The following PGPEP1L variants were observed in gnomAD, a reference collection of about 807,000 sequenced individuals.
PGPEP1L encodes the protein pyroglutamyl-peptidase I like.
In PGPEP1L, 7 loss-of-function variants were observed where a neutral mutation model predicts 6.0. The ratio of observed to expected loss-of-function variants is 1.17; its 90% CI spans 0.66 to 2.19. The LOEUF is 2.19. Among genes scored for constraint, PGPEP1L ranks in the 30% most tolerant of loss-of-function variants. The pLI is 0.00. For synonymous variants in PGPEP1L, 103 were observed against 83.9 expected, an observed-to-expected ratio of 1.23 and a Z score of -1.24; for missense variants, 209 against 192.5, an observed-to-expected ratio of 1.09 and a Z score of -0.51.
chr15:98,989,548 A>T (rs2654969), intron 2 of PGPEP1L, among the ~76,000 whole-genome samples: 1 of 152,034 alleles, frequency 6.6e-6, no homozygotes. Context: ...CCAAGTTGGA[A>T]AACACTATTC....
intron 3 of PGPEP1L, among the ~76,000 whole-genome samples, chr15:98,970,632 T>TC (rs980963565): frequency 1.3e-5 from 2 of 152,062 alleles, no homozygotes; most frequent in Non-Finnish European, 2.9e-5. Context: ...AAGATGGGCC[T>TC]CCCCTAGGCT....
At chr15:98,974,718 G>A (rs1296856041) in intron 2 of PGPEP1L, among the ~76,000 whole-genome samples, 3 of 152,152 alleles carry the variant, frequency 2.0e-5, no homozygotes, top group African/African-American at 7.2e-5. Context: ...CCAACATGGT[G>A]AAACCCCATC....
chr15:98,969,498 C>G lies in PGPEP1L; in HGVS notation c.136G>C (p.Val46Leu). The G allele has an allele frequency of 6.2e-7, 1 of 1,614,078 alleles. No homozygotes were observed. The highest frequency in any genetic ancestry group is 8.5e-7 in the Non-Finnish European group (1 of 1,179,914). ...CGCTTGCAGACTGCCTTCATGCAGA[C>G]CCCTGACTCCAGCACGTCTGGGCTG... Reference protein sequence around the residue: ...PGSPDVLESGVCMKAVCKRVA... With the variant: ...PGSPDVLESGLCMKAVCKRVA... The change falls in exon 4 of 5, where the codon GTC becomes CTC. Residue 46 changes from valine to leucine, a missense_variant. Physicochemically the swap from Val to Leu is conservative, Grantham distance 32. Coordinates refer to ENST00000535714, the MANE Select transcript of PGPEP1L (RefSeq NM_001167902.2).
At chr15:98,993,875 C>CA (rs1283391802) in intron 2 of PGPEP1L, among the ~76,000 whole-genome samples, 1 of 151,086 alleles carries the variant, frequency 6.6e-6, no homozygotes, top group Non-Finnish European at 1.5e-5. Context: ...AACAAAACAA[C>CA]AAAAAAAGTT....
intron 2 of PGPEP1L, among the ~76,000 whole-genome samples, chr15:98,992,108 G>C (rs1302029787): frequency 3.3e-5 from 5 of 152,158 alleles, no homozygotes; most frequent in African/African-American, 1.2e-4. Context: ...AGGGCAGTCA[G>C]GCAAGACAAA....
chr15:99,000,816 C>T (rs971202301), intron 2 of PGPEP1L, among the ~76,000 whole-genome samples: 4 of 152,112 alleles, frequency 2.6e-5, no homozygotes, highest in Non-Finnish European at 5.9e-5. Context: ...GAAAAAAAAG[C>T]AGGCTGCGGG....
intron 2 of PGPEP1L, among the ~76,000 whole-genome samples, chr15:98,999,176 A>G (rs556940585): frequency 6.6e-6 from 1 of 152,312 alleles, no homozygotes; most frequent in African/African-American, 2.4e-5. Flanking sequence ...CAGATGGAGA[A>G]AATAGTTGCA....
intron 2 of PGPEP1L, among the ~76,000 whole-genome samples, chr15:98,987,225 T>C (rs2017760829): frequency 6.8e-6 from 1 of 146,010 alleles, no homozygotes; most frequent in South Asian, 2.2e-4. Flanking sequence ...GATATTCATA[T>C]GGACATTTGT....
intron 2 of PGPEP1L, among the ~76,000 whole-genome samples, chr15:98,975,749 T>G (rs2017559970): frequency 6.6e-6 from 1 of 152,040 alleles, no homozygotes; most frequent in Non-Finnish European, 1.5e-5. Flanking sequence ...GGCATGGTGG[T>G]GCATGCCTGT....
intron 2 of PGPEP1L, among the ~76,000 whole-genome samples, chr15:99,002,612 C>CCT (rs547847592): frequency 2.1e-3 from 321 of 151,808 alleles, no homozygotes; most frequent in African/African-American, 7.4e-3. Context: ...GTACAGGGAA[C>CCT]CTCTGTACAC....
chr15:98,980,908 CAG>C (rs1275276758), intron 2 of PGPEP1L, among the ~76,000 whole-genome samples: 4 of 149,094 alleles, frequency 2.7e-5, no homozygotes, highest in Non-Finnish European at 5.9e-5. Context: ...ACACTAGCCT[CAG>C]TGACACAGAG....
chr15:98,984,458 A>C (rs2017717737), intron 2 of PGPEP1L, among the ~76,000 whole-genome samples: 1 of 152,106 alleles, frequency 6.6e-6, no homozygotes, highest in Admixed American at 6.5e-5. Flanking sequence ...GGAGATGGGG[A>C]TATGTTACAC....
At chr15:98,991,648 CAAAA>C (rs1308756083) in intron 2 of PGPEP1L, among the ~76,000 whole-genome samples, 1 of 151,894 alleles carries the variant, frequency 6.6e-6, no homozygotes, top group Non-Finnish European at 1.5e-5. Flanking sequence ...AGACAAACAA[CAAAA>C]AAAGAGAATT....
chr15:98,973,524 T>C (rs2017527519), intron 2 of PGPEP1L, among the ~76,000 whole-genome samples: 1 of 152,178 alleles, frequency 6.6e-6, no homozygotes, highest in Non-Finnish European at 1.5e-5. Flanking sequence ...CTGACCACAA[T>C]GGACTAAAAC....
intron 2 of PGPEP1L, among the ~76,000 whole-genome samples, chr15:99,002,614 TCTGTACACTTCTTG>T (rs2017989757): frequency 6.6e-6 from 1 of 151,632 alleles, no homozygotes; most frequent in Non-Finnish European, 1.5e-5. Context: ...ACAGGGAACC[TCTGTACACTTCTTG>T]GCAAATTCCT....
intron 2 of PGPEP1L, among the ~76,000 whole-genome samples, chr15:98,978,211 G>A (rs942086152): frequency 1.3e-5 from 2 of 152,238 alleles, no homozygotes; most frequent in African/African-American, 4.8e-5. Context: ...CAGCACACAT[G>A]CTTCCCTGAT....
intron 2 of PGPEP1L, among the ~76,000 whole-genome samples, chr15:98,983,018 T>C (rs2017690322): frequency 6.6e-6 from 1 of 152,040 alleles, no homozygotes; most frequent in East Asian, 1.9e-4. Context: ...GCCTGAGGCT[T>C]TCTCATTTTA....
intron 2 of PGPEP1L, among the ~76,000 whole-genome samples, chr15:98,989,867 T>G (rs1488051404): frequency 6.6e-6 from 1 of 152,178 alleles, no homozygotes; most frequent in Non-Finnish European, 1.5e-5. Flanking sequence ...CAGAATTTCA[T>G]ATCCAGCCAA....
chr15:98,977,120 TTTTA>T (rs751392883), intron 2 of PGPEP1L, among the ~76,000 whole-genome samples: 6 of 152,138 alleles, frequency 3.9e-5, no homozygotes, highest in African/African-American at 1.2e-4. Context: ...AGAAATGGTC[TTTTA>T]TTTTTTTTCT....
Sources: gnomAD v4.1 joint callset for allele counts (sites outside exome capture counted in the v4.1 genomes callset) on GRCh38, gnomAD v4.1.1 for gene constraint, MANE v1.5 for transcripts, NCBI Gene and HGNC (gene_info 2026-07-23, HGNC 2026-07-21) for gene names.